Variants in SNX2 observed in about 807,000 individuals in gnomAD.
The protein encoded by SNX2 is sorting nexin-2.
A neutral mutation model predicts 69.9 loss-of-function variants in SNX2; 25 were observed. That is an observed-to-expected ratio of 0.36 (90% confidence interval 0.26 to 0.50). The LOEUF is 0.50. Ranked by LOEUF, SNX2 falls within the 20% of genes least tolerant of loss-of-function variation. The pLI, the probability that SNX2 is intolerant of heterozygous loss-of-function variation, is 0.97. For missense variants in SNX2, 551 were observed against 613.3 expected (o/e 0.90, Z 1.07); for synonymous variants, 229 against 200.4 (o/e 1.14, Z -1.20).
chr5:122,814,574 G>C (rs1753857972), intron 7 of SNX2, among the ~76,000 whole-genome samples: 1 of 151,952 alleles, frequency 6.6e-6, no homozygotes, highest in African/African-American at 2.4e-5. Context: ...CTTTAGAGAA[G>C]ATTATCACTT....
intron 1 of SNX2, among the ~76,000 whole-genome samples, chr5:122,786,194 G>T (rs1248337062): frequency 6.6e-6 from 1 of 151,906 alleles, no homozygotes; most frequent in Non-Finnish European, 1.5e-5. Flanking sequence ...CTTGTAGATT[G>T]TCTGCATGAC....
chr5:122,813,200 C>T (rs186002567), intron 7 of SNX2, among the ~76,000 whole-genome samples: 2 of 151,822 alleles, frequency 1.3e-5, no homozygotes, highest in African/African-American at 2.4e-5. Flanking sequence ...GTCTTAATTC[C>T]GAATTGGCAT....
chr5:122,775,224 C>T lies in SNX2; in HGVS notation c.108+13C>T, dbSNP rs1304441940. 3 of 1,547,038 alleles carry T rather than the reference C, an allele frequency of 1.9e-6. No homozygotes were observed. Among genetic ancestry groups the T allele is most frequent in the Non-Finnish European group, 2.6e-6 (3 of 1,144,490 alleles). ...CTCCACCCTAGAGGTGAGACCGCGT[C>T]GCTGCGGGTGCTGCGCTGCGTAGCT... On this transcript the variant is annotated intron_variant, in intron 1 of 14. Coordinates refer to ENST00000379516, the MANE Select transcript of SNX2 (RefSeq NM_003100.4).
Position 122,818,800 on chromosome 5 carries a change from C to G in SNX2, c.1007-18C>G, listed in dbSNP as rs1447086702. 6.3e-7 allele frequency: 1 copy of G among 1,599,926 alleles called. No homozygotes were observed. ...TATGAGTGAACACTAAAATTGCATA[C>G]TTTTTTTTAAATTTCAGAACTTTCA... On this transcript the variant is annotated intron_variant, in intron 10 of 14. Coordinates refer to ENST00000379516, the MANE Select transcript of SNX2 (RefSeq NM_003100.4).
rs887110631 is a variant in SNX2 at position 122,830,077 on chromosome 5, A to T, written c.*429A>T. The T allele has an allele frequency of 5.2e-5, 8 of 154,826 alleles. No individual in the cohort carries two copies. The highest frequency in any genetic ancestry group is 1.9e-4 in the African/African-American group (8 of 41,514). The allele number at this position is 154,826 out of a possible 1,614,324, so 9.6% of individuals were successfully genotyped here. ...CCTGTACAGAAATTACGATTTTGTG[A>T]TTACAGTAATAAAATGATATTCCTT... is the stretch of plus-strand genomic sequence containing the variant. On this transcript the variant is annotated 3_prime_UTR_variant, in exon 15 of 15. Transcript: ENST00000379516.
chr5:122,793,681 G>A (rs1284758332), intron 1 of SNX2, among the ~76,000 whole-genome samples: 3 of 152,078 alleles, frequency 2.0e-5, no homozygotes, highest in Non-Finnish European at 2.9e-5. Context: ...AGGCCAAGGC[G>A]GGCGGATCAC....
chr5:122,827,278 T>C (rs891325158), intron 12 of SNX2, 101 bp from the exon 13 acceptor site: 8 of 941,400 alleles, frequency 8.5e-6, no homozygotes, highest in Non-Finnish European at 1.1e-5. Flanking sequence ...TATTGAGCTT[T>C]CTCAGGATTT....
At position 122,822,338 on chromosome 5, in the gene SNX2, G is replaced by A. The variant is rs138103033; in HGVS notation, c.1212+3315G>A. 3.6e-3 allele frequency among the ~76,000 whole-genome samples: 546 copies of A among 152,084 alleles called. 6 individuals carry two copies. Among genetic ancestry groups the A allele is most frequent in the African/African-American group, 0.011 (470 of 41,474 alleles). On this transcript the variant is annotated intron_variant, in intron 11 of 14. Transcript: ENST00000379516. ...GACCTCGTGATCTACTCACCTCGGC[G>A]TCCCAAAGCGCTGGGATTACAGGCA...
chr5:122,794,017 G>A (rs753501100), intron 1 of SNX2, among the ~76,000 whole-genome samples: 1 of 151,440 alleles, frequency 6.6e-6, no homozygotes, highest in Non-Finnish European at 1.5e-5. Context: ...CTCATTATAC[G>A]TTAGGGTTAA....
rs142555731 is a variant in SNX2 at position 122,795,580 on chromosome 5, T to A, written c.226+197T>A. ...CTGTCCAGAGAAGCAAAAATGTGGT[T>A]CTTTCTGGCTGTAAGCATTTGAGAA... On this transcript the variant is annotated intron_variant, in intron 2 of 14. Transcript: ENST00000379516. 518 of 461,402 alleles carry A rather than the reference T, an allele frequency of 1.1e-3. 1 individual carries two copies. Among genetic ancestry groups the A allele is most frequent in the African/African-American group, 9.4e-3 (474 of 50,332 alleles). 28.6% of individuals were successfully genotyped at this position (461,402 alleles called of 1,614,324 possible).
chr5:122,796,247 A>G (rs1194554614), intron 2 of SNX2, among the ~76,000 whole-genome samples: 1 of 152,200 alleles, frequency 6.6e-6, no homozygotes, highest in East Asian at 1.9e-4. Context: ...AAAAAGAAAA[A>G]AAGATAAAAA....
At chr5:122,814,959 C>G (rs978849207) in intron 7 of SNX2, among the ~76,000 whole-genome samples, 16 of 152,278 alleles carry the variant, frequency 1.1e-4, no homozygotes, top group African/African-American at 3.6e-4. Context: ...CCATCTTGGC[C>G]AGGCTGGTCT....
At chr5:122,816,213 A>T (rs1753898380) in intron 8 of SNX2, among the ~76,000 whole-genome samples, 1 of 152,162 alleles carries the variant, frequency 6.6e-6, no homozygotes, top group Non-Finnish European at 1.5e-5. Flanking sequence ...AGAGTGATTT[A>T]TAAGTAGTCT....
At chr5:122,778,709 GATA>G (rs1752907163) in intron 1 of SNX2, among the ~76,000 whole-genome samples, 1 of 152,062 alleles carries the variant, frequency 6.6e-6, no homozygotes, top group Non-Finnish European at 1.5e-5. Context: ...ACTGCAGTCA[GATA>G]ATATCTTATT....
At chr5:122,789,757 T>C (rs1294808828) in intron 1 of SNX2, among the ~76,000 whole-genome samples, 1 of 152,198 alleles carries the variant, frequency 6.6e-6, no homozygotes, top group East Asian at 1.9e-4. Context: ...ATTGCACAGG[T>C]CTGTGACTGA....
chr5:122,780,233 C>G (rs948197522), intron 1 of SNX2, among the ~76,000 whole-genome samples: 2 of 152,108 alleles, frequency 1.3e-5, no homozygotes, highest in Non-Finnish European at 2.9e-5. Flanking sequence ...TAGTCTTCCT[C>G]TAGTGGAGTG....
chr5:122,816,961 T>G lies in SNX2; in HGVS notation c.845T>G (p.Leu282Trp). The G allele has an allele frequency of 6.2e-7, 1 of 1,613,740 alleles. No homozygotes were observed. Among genetic ancestry groups the G allele is most frequent in the Non-Finnish European group, 8.5e-7 (1 of 1,179,786 alleles). Residue 282 changes from leucine (L) to tryptophan (W), a missense_variant, in exon 9 of 15, where the codon TTG (leucine) becomes TGG (tryptophan). Around this residue, in one of 2 missense-constraint regions of SNX2, gnomAD observed 360 missense variants for 450.4 expected, o/e 0.80. Transcript: ENST00000379516. ...NTQALSGAGI[L>W]RMVNKAADAV... is the part of the protein sequence containing the mutation. ...CAGGCTCTGAGTGGAGCAGGAATAT[T>G]GAGGATGGTGAACAAGGCTGCCGAC...
intron 1 of SNX2, among the ~76,000 whole-genome samples, chr5:122,780,827 T>C (rs1488694968): frequency 6.6e-6 from 1 of 152,068 alleles, no homozygotes; most frequent in Non-Finnish European, 1.5e-5. Flanking sequence ...CTCGGCCCCC[T>C]AGAGTGCTGG....
At chr5:122,827,695 A>G in intron 14 of SNX2, 49 bp downstream of exon 14, 1 of 1,305,518 alleles carries the variant, frequency 7.7e-7, no homozygotes. Context: ...TGTTTTTGGT[A>G]TACTTTCTTA....
Sources: gnomAD v4.1 joint callset for allele counts (sites outside exome capture counted in the v4.1 genomes callset) on GRCh38, gnomAD v4.1.1 for gene constraint, gnomAD v4.1.1 regional missense constraint, MANE v1.5 for transcripts, NCBI Gene and HGNC (gene_info 2026-07-23, HGNC 2026-07-21) for gene names.